WDR17: variants seen among roughly 807,000 people sequenced by gnomAD.
The protein encoded by WDR17 is WD repeat-containing protein 17.
A neutral mutation model predicts 161.7 loss-of-function variants in WDR17; 143 were observed. That is an observed-to-expected ratio of 0.88 (90% confidence interval 0.77 to 1.02). The LOEUF (loss-of-function observed/expected upper bound fraction) is 1.02, where lower values mean the gene tolerates loss of function less well. Ranked by LOEUF, WDR17 falls within the 50% of genes least tolerant of loss-of-function variation. WDR17 has a pLI of 0.00. For synonymous variants in WDR17, 517 were observed against 515.6 expected (o/e 1.00, Z -0.04); for missense variants, 1,469 against 1,520.9 (o/e 0.97, Z 0.57).
In WDR17 at chr4:176,119,897, A is replaced by G. The variant is rs1741270433; in HGVS notation, c.338A>G (p.Asn113Ser). The G allele has an allele frequency of 5.0e-6, 8 of 1,614,016 alleles. No individual in the cohort carries two copies. The highest frequency in any genetic ancestry group is 6.8e-6 in the Non-Finnish European group (8 of 1,180,014). Residue 113 changes from asparagine (N) to serine (S), a missense_variant, in exon 4 of 29, where the codon AAT becomes AGT. Asn to Ser is a conservative substitution (Grantham distance 46). Transcript: ENST00000508596. ...CCTGCTTCTCTTAGTTGGTGCTGGA[A>G]TGCAGAGGATGTGGTGGCATTTGTT... is the stretch of plus-strand genomic sequence containing the variant. ...GIPASLSWCW[N>S]AEDVVAFVSH...
At chr4:176,111,777 C>T (rs924085586) in intron 2 of WDR17, 74 bp downstream of exon 2, 10 of 1,280,710 alleles carry the variant, frequency 7.8e-6, no homozygotes, top group Non-Finnish European at 1.0e-5. Flanking sequence ...TATTTTAAGT[C>T]CTTGTTACAT....
chr4:176,091,591 A>G (rs1418417689), intron 1 of WDR17, among the ~76,000 whole-genome samples: 1 of 152,150 alleles, frequency 6.6e-6, no homozygotes, highest in Non-Finnish European at 1.5e-5. Flanking sequence ...AGAACTATAA[A>G]AGCAAGAGCA....
intron 13 of WDR17, among the ~76,000 whole-genome samples, chr4:176,148,775 C>T (rs550528288): frequency 6.6e-6 from 1 of 152,096 alleles, no homozygotes; most frequent in African/African-American, 2.4e-5. Context: ...ATGTTTAGTA[C>T]AATGTTTTGT....
intron 3 of WDR17, among the ~76,000 whole-genome samples, chr4:176,119,377 CATAGATTATAACATTA>C (rs1741178460): frequency 6.6e-6 from 1 of 152,080 alleles, no homozygotes; most frequent in Admixed American, 6.5e-5. Flanking sequence ...CCTGATAAGA[CATAGATTATAACATTA>C]AGTCCATTGT....
At chr4:176,089,927 C>A (rs1460736946) in intron 1 of WDR17, among the ~76,000 whole-genome samples, 1 of 152,054 alleles carries the variant, frequency 6.6e-6, no homozygotes, top group Non-Finnish European at 1.5e-5. Flanking sequence ...GAAGGTGTTC[C>A]ATTTATGTAT....
At chr4:176,157,158 T>C (rs1467012595) in intron 18 of WDR17, among the ~76,000 whole-genome samples, 1 of 152,206 alleles carries the variant, frequency 6.6e-6, no homozygotes, top group Non-Finnish European at 1.5e-5. Context: ...TTTATTCTAC[T>C]CTCTTCTATG....
At chr4:176,086,326 G>C (rs1264103055) in intron 1 of WDR17, among the ~76,000 whole-genome samples, 5 of 151,848 alleles carry the variant, frequency 3.3e-5, no homozygotes, top group Non-Finnish European at 7.4e-5. Flanking sequence ...ATGTTGTTCA[G>C]ATCCTATGGG....
intron 1 of WDR17, among the ~76,000 whole-genome samples, chr4:176,085,672 T>C (rs1735334593): frequency 6.6e-6 from 1 of 152,062 alleles, no homozygotes; most frequent in Non-Finnish European, 1.5e-5. Context: ...GGATCTGATA[T>C]GGATATTTGT....
intron 28 of WDR17, among the ~76,000 whole-genome samples, chr4:176,178,282 G>A (rs1269932100): frequency 6.6e-6 from 1 of 152,042 alleles, no homozygotes; most frequent in East Asian, 1.9e-4. Context: ...ACATATAGTT[G>A]TATACACCTT....
At chr4:176,073,480 ACATTTTCTTAATCCAGTCTATCATTGT>A (rs1733519122) in intron 1 of WDR17, among the ~76,000 whole-genome samples, 1 of 151,618 alleles carries the variant, frequency 6.6e-6, no homozygotes. Flanking sequence ...TATATGTGCC[ACATTTTCTTAATCCAGTCTATCATTGT>A]TGGACATTTG....
At chr4:176,121,402 A>G (rs901116180) in intron 4 of WDR17, among the ~76,000 whole-genome samples, 1 of 152,038 alleles carries the variant, frequency 6.6e-6, no homozygotes, top group Non-Finnish European at 1.5e-5. Flanking sequence ...TCTATAATAA[A>G]TATGGCTGTA....
chr4:176,125,395 A>ATT (rs2126736902), intron 5 of WDR17, 40 bp downstream of exon 5: 2 of 1,577,840 alleles, frequency 1.3e-6, no homozygotes, highest in East Asian at 4.5e-5. Flanking sequence ...AAATACGTGT[A>ATT]TATATTCTTT....
Position 176,152,898 on chromosome 4 carries a change from G to T in WDR17, c.2460+931G>T, listed in dbSNP as rs182240216. 5.9e-4 allele frequency among the ~76,000 whole-genome samples: 89 copies of T among 151,088 alleles called. 1 individual carries two copies. The East Asian group carries it at 0.015, about 26-fold the overall frequency. ...TGCACGGAGCCGAGATCGCACCATT[G>T]CACTCCAGCCTGGCGACAGAGCAAG... On this transcript the variant is annotated intron_variant, in intron 17 of 28. Transcript: ENST00000508596.
At chr4:176,088,272 A>T (rs1221050972) in intron 1 of WDR17, among the ~76,000 whole-genome samples, 3 of 152,196 alleles carry the variant, frequency 2.0e-5, no homozygotes, top group Non-Finnish European at 2.9e-5. Context: ...AGCACAGTAT[A>T]TACTTTGTCA....
intron 13 of WDR17, 55 bp from the exon 14 acceptor site, chr4:176,149,752 T>C: frequency 1.3e-6 from 2 of 1,592,128 alleles, no homozygotes; most frequent in South Asian, 2.3e-5. Flanking sequence ...CACATATAAA[T>C]AAAAAATATT....
chr4:176,094,842 G>C (rs1254009847), intron 1 of WDR17, among the ~76,000 whole-genome samples: 6 of 152,156 alleles, frequency 3.9e-5, no homozygotes, highest in Non-Finnish European at 8.8e-5. Flanking sequence ...TATAATGATA[G>C]TCATTGAAAT....
intron 23 of WDR17, among the ~76,000 whole-genome samples, chr4:176,169,996 A>G (rs913056559): frequency 1.3e-5 from 2 of 152,186 alleles, no homozygotes. Flanking sequence ...TTAATTATAC[A>G]TTAACTGGTA....
In WDR17 at chr4:176,163,259, T is replaced by C. The variant is rs1579235727; in HGVS notation, c.2956T>C (p.Leu986=). The change falls in exon 22 of 29, where the codon TTA becomes CTA. Residue 986 remains leucine (L), a synonymous_variant. Coordinates refer to ENST00000508596, the MANE Select transcript of WDR17 (RefSeq NM_181265.4). ...AAPATHYALE[L]LARKCMMISV... ...ACCAGCAACCCACTATGCCTTAGAA[T>C]TACTGGCGAGAAAGTGCATGATGAT... is the stretch of plus-strand genomic sequence containing the variant. 6.2e-7 allele frequency: 1 copy of C among 1,611,798 alleles called. No homozygotes were observed. The highest frequency in any genetic ancestry group is 8.5e-7 in the Non-Finnish European group (1 of 1,179,264).
At chr4:176,104,332 G>A (rs1333260930) in intron 1 of WDR17, among the ~76,000 whole-genome samples, 2 of 151,922 alleles carry the variant, frequency 1.3e-5, no homozygotes, top group Non-Finnish European at 2.9e-5. Flanking sequence ...AAAAAATAAA[G>A]ATCTTGATAA....
Sources: allele counts gnomAD v4.1 joint callset (sites outside exome capture counted in the v4.1 genomes callset), GRCh38; gene constraint gnomAD v4.1.1; transcripts MANE v1.5; gene names NCBI Gene and HGNC (gene_info 2026-07-23, HGNC 2026-07-21).